The following RTL4 variants were observed in gnomAD, a reference collection of about 807,000 sequenced individuals.
The protein encoded by RTL4 is retrotransposon Gag like 4.
Under a neutral mutation model 5.3 loss-of-function variants are expected in RTL4, and 4 were observed. That is an observed-to-expected ratio of 0.75 (90% CI 0.37 to 1.72). RTL4 has a LOEUF of 1.72. Ranked by LOEUF, RTL4 falls within the 40% of genes most tolerant of loss-of-function variation. The pLI is 0.04. For synonymous variants in RTL4, 98 were observed against 87.3 expected (o/e 1.12, Z -0.68); for missense variants, 260 against 227.1 (o/e 1.14, Z -0.93).
chrX:112,238,721 T>C, the RTL4 span, among the ~76,000 whole-genome samples: 1 of 111,336 alleles, frequency 9.0e-6, no homozygotes, highest in African/African-American at 3.3e-5. Flanking sequence ...ATATCCCAGA[T>C]GGTGTGCTGC....
At chrX:112,244,709 T>C in the RTL4 span, among the ~76,000 whole-genome samples, 1 of 111,930 alleles carries the variant, frequency 8.9e-6, no homozygotes, top group Non-Finnish European at 1.9e-5. Flanking sequence ...AGATTAATAT[T>C]GTTATGTGTG....
At chrX:112,177,545 A>G in the RTL4 span, among the ~76,000 whole-genome samples, 280 of 98,226 alleles carry the variant, frequency 2.9e-3, 1 homozygote, top group African/African-American at 0.01. Flanking sequence ...TTTTTTTGCT[A>G]TTGAGTTGTT....
chrX:112,302,158 G>A, the RTL4 span, among the ~76,000 whole-genome samples: 1 of 108,600 alleles, frequency 9.2e-6, no homozygotes, highest in Non-Finnish European at 1.9e-5. Context: ...CTACTTGGGA[G>A]GATGAGGCAG....
At chrX:112,274,284 G>A in the RTL4 span, among the ~76,000 whole-genome samples, 2 of 111,688 alleles carry the variant, frequency 1.8e-5, no homozygotes, top group African/African-American at 6.5e-5. Context: ...GATATATTGA[G>A]TTCGAGAAGC....
chrX:112,175,628 T>A, the RTL4 span, among the ~76,000 whole-genome samples: 1,655 of 110,857 alleles, frequency 0.015, 24 homozygotes, highest in African/African-American at 0.051. Flanking sequence ...AAGTCATTGG[T>A]AGCTTGATTA....
the RTL4 span, among the ~76,000 whole-genome samples, chrX:112,413,895 C>T: frequency 9.0e-6 from 1 of 110,600 alleles, no homozygotes; most frequent in Non-Finnish European, 1.9e-5. Context: ...TGATAGATAT[C>T]CCATTTACCC....
the RTL4 span, among the ~76,000 whole-genome samples, chrX:112,190,387 T>C: frequency 9.0e-6 from 1 of 110,964 alleles, no homozygotes; most frequent in Non-Finnish European, 1.9e-5. Flanking sequence ...AATTTCATTT[T>C]GGTCCAGTAG....
the RTL4 span, among the ~76,000 whole-genome samples, chrX:112,152,999 TACA>T: frequency 1.8e-5 from 2 of 111,818 alleles, no homozygotes; most frequent in Non-Finnish European, 3.8e-5. Context: ...TATAGCCAGG[TACA>T]ACAATTGTTT....
At chrX:112,125,968 T>C in the RTL4 span, among the ~76,000 whole-genome samples, 11 of 111,054 alleles carry the variant, frequency 9.9e-5, no homozygotes, top group African/African-American at 3.6e-4. Context: ...TGGTGACAGG[T>C]GAGAGAGAAG....
chrX:112,110,924 C>T, the RTL4 span, among the ~76,000 whole-genome samples: 1 of 111,464 alleles, frequency 9.0e-6, no homozygotes, highest in African/African-American at 3.3e-5. Context: ...GATTTAGATC[C>T]CTTGTTAGGA....
the RTL4 span, among the ~76,000 whole-genome samples, chrX:112,181,313 G>A: frequency 9.0e-6 from 1 of 111,437 alleles, no homozygotes; most frequent in African/African-American, 3.3e-5. Flanking sequence ...GTGGCACCTG[G>A]AATGCCAGCG....
exon 1 of RTL4, chrX:112,456,453 TCTC>T (rs1277890336): frequency 1.6e-5 from 5 of 306,014 alleles, no homozygotes; most frequent in Non-Finnish European, 2.9e-5. Context: ...ATTCCTCTCT[TCTC>T]CAACAACCCT....
the RTL4 span, among the ~76,000 whole-genome samples, chrX:112,134,482 G>A: frequency 1.8e-5 from 2 of 112,185 alleles, no homozygotes; most frequent in African/African-American, 6.5e-5. Flanking sequence ...GAAAAGGTAG[G>A]CCTTCATGTC....
chrX:112,366,972 G>A, the RTL4 span, among the ~76,000 whole-genome samples: 1 of 111,346 alleles, frequency 9.0e-6, no homozygotes, highest in African/African-American at 3.3e-5. Context: ...ATAAATGATA[G>A]ACAGTCACCT....
chrX:112,188,062 G>T, the RTL4 span, among the ~76,000 whole-genome samples: 29,082 of 110,470 alleles, frequency 0.26, 3,426 homozygotes, highest in African/African-American at 0.44. Flanking sequence ...AGACACATGT[G>T]CCCACTCCTT....
chrX:112,133,873 G>A, the RTL4 span, among the ~76,000 whole-genome samples: 3 of 111,742 alleles, frequency 2.7e-5, no homozygotes, highest in Non-Finnish European at 5.6e-5. Flanking sequence ...CAAAGGCTTT[G>A]CTCATGAAGA....
chrX:112,088,047 C>T, the RTL4 span, among the ~76,000 whole-genome samples: 3 of 105,780 alleles, frequency 2.8e-5, no homozygotes, highest in East Asian at 6.0e-4. Flanking sequence ...AACAGGGCCT[C>T]GCTATATTGT....
At chrX:112,455,653 C>T (rs1399876337) in exon 1 of RTL4, 3 of 1,203,687 alleles carry the variant, frequency 2.5e-6, no homozygotes, top group Non-Finnish European at 3.4e-6. Context: ...TAACACAGCT[C>T]ACCAGTAAGA....
chrX:112,144,277 T>TAGTC, the RTL4 span, among the ~76,000 whole-genome samples: 1 of 111,548 alleles, frequency 9.0e-6, no homozygotes, highest in South Asian at 3.8e-4. Flanking sequence ...AACTCCATTA[T>TAGTC]AGTCAGAGTG....
Sources: allele counts gnomAD v4.1 joint callset (sites outside exome capture counted in the v4.1 genomes callset), GRCh38; gene constraint gnomAD v4.1.1; transcripts MANE v1.5; gene names NCBI Gene and HGNC (gene_info 2026-07-23, HGNC 2026-07-21).